PHTF2: variants seen among roughly 807,000 people sequenced by gnomAD.
PHTF2 encodes the protein putative homeodomain transcription factor 2.
PHTF2 carries 60 observed loss-of-function variants against 101.2 expected under a neutral mutation model. That is an observed-to-expected ratio of 0.59 (90% CI 0.48 to 0.73). The LOEUF (loss-of-function observed/expected upper bound fraction) is 0.73, where lower values mean the gene tolerates loss of function less well. PHTF2 is among the 30% of genes least tolerant of loss of function. The pLI, the probability that PHTF2 is intolerant of heterozygous loss-of-function variation, is 0.00. For missense variants in PHTF2, 747 were observed against 908.7 expected, an observed-to-expected ratio of 0.82 and a Z score of 2.29; for synonymous variants, 311 against 307.3, an observed-to-expected ratio of 1.01 and a Z score of -0.13.
intron 2 of PHTF2, among the ~76,000 whole-genome samples, chr7:77,846,547 CCCTCCCCTCCCCTCCCCTCG>C (rs1376552057): frequency 1.7e-4 from 9 of 53,736 alleles, no homozygotes; most frequent in African/African-American, 2.9e-4. Context: ...CCCTTCCCTT[CCCTCCCCTCCCCTCCCCTCG>C]CCTCCCCTCG....
At chr7:77,956,546 A>G (rs1807001415) in exon 20 of PHTF2, 1 of 152,552 alleles carries the variant, frequency 6.6e-6, no homozygotes, top group Non-Finnish European at 1.5e-5. Context: ...GTAATACTGG[A>G]GCTTTAAGAA....
chr7:77,840,399 G>T (rs1562862644), intron 2 of PHTF2, 99 bp downstream of exon 2: 1 of 709,614 alleles, frequency 1.4e-6, no homozygotes, highest in East Asian at 2.6e-5. Context: ...AGTGGGAAAG[G>T]AAGATTATTT....
intron 9 of PHTF2, among the ~76,000 whole-genome samples, chr7:77,919,249 A>G (rs2150906775): frequency 6.6e-6 from 1 of 152,338 alleles, no homozygotes; most frequent in Admixed American, 6.5e-5. Context: ...AGATTCCAAT[A>G]GAACTGAGTA....
chr7:77,952,185 CAT>C (rs1443921643), intron 18 of PHTF2, among the ~76,000 whole-genome samples: 2 of 152,058 alleles, frequency 1.3e-5, no homozygotes, highest in Admixed American at 6.6e-5. Flanking sequence ...TATTTTATCT[CAT>C]AGTAACTCTT....
At chr7:77,848,282 G>A (rs957342694) in intron 2 of PHTF2, among the ~76,000 whole-genome samples, 24 of 152,100 alleles carry the variant, frequency 1.6e-4, no homozygotes, top group Admixed American at 1.2e-3. Flanking sequence ...AGGAACCTCC[G>A]TACTGTTCTC....
At chr7:77,948,040 A>G (rs1329613233) in intron 16 of PHTF2, among the ~76,000 whole-genome samples, 1 of 151,518 alleles carries the variant, frequency 6.6e-6, no homozygotes, top group African/African-American at 2.4e-5. Flanking sequence ...GGGTTTCACC[A>G]TGTTGGCCAG....
chr7:77,810,338 T>C (rs964670674), intron 1 of PHTF2, among the ~76,000 whole-genome samples: 1 of 152,236 alleles, frequency 6.6e-6, no homozygotes, highest in African/African-American at 2.4e-5. Context: ...AGTACTGTTT[T>C]CTAATCTACA....
chr7:77,940,330 G>T, intron 14 of PHTF2, 28 bp downstream of exon 13: 1 of 1,536,570 alleles, frequency 6.5e-7, no homozygotes, highest in East Asian at 2.3e-5. Context: ...TTCCGAATAA[G>T]AATATTTTAT....
At chr7:77,919,504 G>A (rs1024261597) in intron 9 of PHTF2, among the ~76,000 whole-genome samples, 5 of 151,892 alleles carry the variant, frequency 3.3e-5, no homozygotes, top group Admixed American at 2.6e-4. Context: ...TCTACTAACC[G>A]TTTCCTTTGG....
chr7:77,909,389 G>C (rs77111082), intron 8 of PHTF2: 9 of 136,210 alleles, frequency 6.6e-5, no homozygotes, highest in African/African-American at 2.5e-4. Context: ...TATTTTTTTT[G>C]AGACAGGGTC....
exon 20 of PHTF2, chr7:77,956,790 A>T (rs1416154673): frequency 6.6e-6 from 1 of 152,580 alleles, no homozygotes; most frequent in Non-Finnish European, 1.5e-5. Flanking sequence ...TCTCACAAAA[A>T]ATCTTATTTC....
At chr7:77,814,773 G>C (rs905792427) in intron 1 of PHTF2, among the ~76,000 whole-genome samples, 3 of 152,024 alleles carry the variant, frequency 2.0e-5, no homozygotes, top group Admixed American at 2.0e-4. Context: ...GTCTGGGGGG[G>C]CATTTTTAAA....
chr7:77,955,340 C>T (rs1440778078), exon 20 of PHTF2: 1 of 152,678 alleles, frequency 6.5e-6, no homozygotes, highest in Non-Finnish European at 1.5e-5. Context: ...CAGGGTTTCT[C>T]TTGAATTATT....
intron 7 of PHTF2, 120 bp from the exon 7 acceptor site, chr7:77,908,673 T>A: frequency 1.6e-6 from 1 of 607,786 alleles, no homozygotes; most frequent in Non-Finnish European, 2.8e-6. Flanking sequence ...AGTAATATTT[T>A]AAACTCATTT....
At chr7:77,939,338 G>T (rs1018882923) in intron 13 of PHTF2, among the ~76,000 whole-genome samples, 2 of 152,056 alleles carry the variant, frequency 1.3e-5, no homozygotes, top group South Asian at 2.1e-4. Flanking sequence ...GGGTGTGTTG[G>T]CTTATGCCTG....
intron 3 of PHTF2, among the ~76,000 whole-genome samples, chr7:77,882,062 C>G (rs982499337): frequency 2.6e-5 from 4 of 152,128 alleles, no homozygotes; most frequent in African/African-American, 9.7e-5. Context: ...GGAGCTTGAT[C>G]AGGATTCGTG....
At chr7:77,927,153 A>C (rs1182721027) in intron 11 of PHTF2, among the ~76,000 whole-genome samples, 7 of 63,372 alleles carry the variant, frequency 1.1e-4, no homozygotes, top group Admixed American at 2.6e-4. Flanking sequence ...GTGAGACTCC[A>C]TCTCAAAAAA....
intron 3 of PHTF2, among the ~76,000 whole-genome samples, chr7:77,858,868 C>T (rs368318459): frequency 1.3e-5 from 2 of 152,032 alleles, no homozygotes; most frequent in Admixed American, 6.6e-5. Flanking sequence ...TATTGGTTTT[C>T]TATGTCTTTC....
chr7:77,929,996 C>T (rs1042771178), intron 12 of PHTF2, among the ~76,000 whole-genome samples: 2 of 148,658 alleles, frequency 1.3e-5, no homozygotes, highest in Non-Finnish European at 3.0e-5. Context: ...TCTTGTCACC[C>T]AGGCTGGAGT....
Sources: allele counts gnomAD v4.1 joint callset (sites outside exome capture counted in the v4.1 genomes callset), GRCh38; gene constraint gnomAD v4.1.1; transcripts MANE v1.5; gene names NCBI Gene and HGNC (gene_info 2026-07-23, HGNC 2026-07-21).